The following SYNPO2 variants were observed in gnomAD, a reference collection of about 807,000 sequenced individuals.
SYNPO2 encodes the protein synaptopodin-2.
Under a neutral mutation model 85.0 loss-of-function variants are expected in SYNPO2, and 56 were observed. The observed-to-expected ratio is 0.66, with a 90% CI of 0.53 to 0.82. The LOEUF (loss-of-function observed/expected upper bound fraction) is 0.82, where lower values mean the gene tolerates loss of function less well. Among genes scored for constraint, SYNPO2 ranks in the 40% least tolerant of loss-of-function variants. SYNPO2 has a pLI of 0.00. For missense variants in SYNPO2, 1,575 were observed against 1,534.2 expected, an observed-to-expected ratio of 1.03 and a Z score of -0.44; for synonymous variants, 602 against 591.1, an observed-to-expected ratio of 1.02 and a Z score of -0.27.
Position 119,031,392 on chromosome 4 carries a change from G to C in SYNPO2, c.2617G>C (p.Ala873Pro), listed in dbSNP as rs1192626176. ...NELPGMSGRGAQLFAKRQSRM... is the reference protein window; with the variant it reads ...NELPGMSGRGPQLFAKRQSRM... ...GCTTCCAGGAATGAGTGGGAGAGGA[G>C]CTCAGCTCTTTGCTAAAAGGCAGTC... The change falls in exon 4 of 5, where the codon GCT becomes CCT. Residue 873 changes from alanine (A) to proline (P), a missense_variant. By Grantham distance (27) the Ala-to-Pro change is conservative. This residue lies in a region of SYNPO2 where 1,508 missense variants were observed against 1,446.8 expected (regional missense o/e 1.04). Transcript: ENST00000307142. 1.4e-5 allele frequency: 23 copies of C among 1,614,042 alleles called. No homozygotes were observed. Among genetic ancestry groups the C allele is most frequent in the Non-Finnish European group, 1.9e-5 (23 of 1,180,040 alleles).
intron 1 of SYNPO2, among the ~76,000 whole-genome samples, chr4:118,941,131 T>C (rs779849620): frequency 6.6e-6 from 1 of 152,186 alleles, no homozygotes. Flanking sequence ...TCCCTCCAGA[T>C]TGGATTCTCT....
At chr4:118,962,863 T>A (rs1003707556) in intron 1 of SYNPO2, among the ~76,000 whole-genome samples, 1 of 152,184 alleles carries the variant, frequency 6.6e-6, no homozygotes, top group African/African-American at 2.4e-5. Flanking sequence ...ATCTTGGCCT[T>A]GGGGAATGCA....
At chr4:119,008,648 G>T (rs1284509789) in intron 1 of SYNPO2, among the ~76,000 whole-genome samples, 1 of 152,022 alleles carries the variant, frequency 6.6e-6, no homozygotes, top group Non-Finnish European at 1.5e-5. Context: ...CTTACATTTT[G>T]TTTTACAAAC....
At chr4:119,014,132 A>T (rs1020019903) in intron 1 of SYNPO2, among the ~76,000 whole-genome samples, 9 of 152,200 alleles carry the variant, frequency 5.9e-5, no homozygotes, top group African/African-American at 1.9e-4. Context: ...GACATTAAAG[A>T]GATTTACAGA....
intron 4 of SYNPO2, among the ~76,000 whole-genome samples, chr4:119,055,458 C>T (rs140235687): frequency 8.5e-5 from 13 of 152,308 alleles, no homozygotes; most frequent in African/African-American, 2.9e-4. Context: ...CTGGCCCAAA[C>T]TGGTCTTCTG....
Position 119,060,910 on chromosome 4 carries a change from A to G in SYNPO2, c.*2976A>G, listed in dbSNP as rs1344504747. On this transcript the variant is annotated 3_prime_UTR_variant, in exon 5 of 5. Coordinates refer to ENST00000307142, the MANE Select transcript of SYNPO2 (RefSeq NM_133477.3). ...ATTTATCTCTGAATATGTCTCTTTT[A>G]TATTTTGGCACAATTATACACATTG... 1 of 152,100 alleles carries G rather than the reference A, an allele frequency of 6.6e-6. No individual in the cohort carries two copies. The highest frequency in any genetic ancestry group is 1.5e-5 in the Non-Finnish European group (1 of 68,004). The allele number at this position is 152,100 out of a possible 1,614,324, so 9.4% of individuals were successfully genotyped here. A position where few individuals can be genotyped will look rare whatever the true frequency, so the allele number is the denominator to read the frequency against.
chr4:119,033,575 G>A, intron 4 of SYNPO2: 2 of 985,442 alleles, frequency 2.0e-6, no homozygotes, highest in Non-Finnish European at 2.4e-6. Context: ...CTATGCAGGA[G>A]ATATGTTTAG....
In SYNPO2 at chr4:119,031,640, A is replaced by G; in HGVS notation, c.2865A>G (p.Gly955=). ...AQPSKMGKKK[G]KKPLNALDVM... ...CCTCCAAAATGGGCAAGAAAAAGGG[A>G]AAGAAACCCCTCAATGCATTAGATG... Residue 955 remains glycine (G), a synonymous_variant, in exon 4 of 5, where the codon GGA becomes GGG. Transcript: ENST00000307142. 1 of 1,614,112 alleles carries G rather than the reference A, an allele frequency of 6.2e-7. No individual in the cohort carries two copies. Among genetic ancestry groups the G allele is most frequent in the Non-Finnish European group, 8.5e-7 (1 of 1,180,018 alleles).
At chr4:118,878,132 G>A (rs552191686) in intron 1 of SYNPO2, among the ~76,000 whole-genome samples, 26 of 152,234 alleles carry the variant, frequency 1.7e-4, no homozygotes, top group Non-Finnish European at 3.1e-4. Flanking sequence ...GCATGTTCTC[G>A]TTTATAAGTG....
Position 119,026,783 on chromosome 4 carries a change from T to A in SYNPO2, c.414T>A (p.Thr138=). The A allele has an allele frequency of 6.2e-7, 1 of 1,611,512 alleles. No individual in the cohort carries two copies. The highest frequency in any genetic ancestry group is 8.5e-7 in the Non-Finnish European group (1 of 1,179,226). The part of the protein sequence containing the change: ...CTEFFLAPVK[T]EVPLAENQRS... Reference sequence around the variant, plus strand: ...AATTCTTCCTCGCCCCTGTCAAGACTGAAGTTCCCCTAGCTGAGAACCAAA... The same window carrying A: ...AATTCTTCCTCGCCCCTGTCAAGACAGAAGTTCCCCTAGCTGAGAACCAAA... The change falls in exon 3 of 5, where the codon ACT becomes ACA. Residue 138 remains threonine (T), a synonymous_variant. Transcript: ENST00000307142.
intron 1 of SYNPO2, among the ~76,000 whole-genome samples, chr4:118,967,383 A>T (rs1266264156): frequency 4.6e-5 from 7 of 152,212 alleles, no homozygotes; most frequent in Admixed American, 3.9e-4. Flanking sequence ...TCCAACAAAC[A>T]ACTTCTCTTT....
intron 1 of SYNPO2, among the ~76,000 whole-genome samples, chr4:118,999,458 A>G (rs774120448): frequency 6.6e-6 from 1 of 152,078 alleles, no homozygotes; most frequent in Non-Finnish European, 1.5e-5. Flanking sequence ...AGCCTGGATA[A>G]TAAGATTAAA....
rs1004537205 is a variant in SYNPO2 at position 119,060,091 on chromosome 4, A to G, written c.*2157A>G. On this transcript the variant is annotated 3_prime_UTR_variant, in exon 5 of 5. Transcript: ENST00000307142. ...ACTTGGCTTGCCAGGGCCACGTTCT[A>G]CTTCATTGCTTTCTTTTATAAGTGC... The G allele has an allele frequency of 2.0e-5, 3 of 152,170 alleles. No homozygotes were observed. Among genetic ancestry groups the G allele is most frequent in the Non-Finnish European group, 4.4e-5 (3 of 67,990 alleles). 9.4% of individuals were successfully genotyped at this position (152,170 alleles called of 1,614,324 possible).
Position 119,031,893 on chromosome 4 carries a change from G to A in SYNPO2, c.3118G>A (p.Ala1040Thr), listed in dbSNP as rs1738288953. ...CTCTCCTCCTTCCTTCTTTGCAGAGGCCTCCTCACCAGTCAGTGCATCCCC... is the reference window on the plus strand; with the variant it reads ...CTCTCCTCCTTCCTTCTTTGCAGAGACCTCCTCACCAGTCAGTGCATCCCC... ...YTSPPSFFAE[A>T]SSPVSASPVP... The change falls in exon 4 of 5, where the codon GCC (alanine) becomes ACC (threonine). Residue 1040 changes from alanine to threonine, a missense_variant. This residue lies in a region of SYNPO2 where 1,508 missense variants were observed against 1,446.8 expected (regional missense o/e 1.04). Transcript: ENST00000307142. 4 of 1,614,050 alleles carry A rather than the reference G, an allele frequency of 2.5e-6. No individual in the cohort carries two copies. The highest frequency in any genetic ancestry group is 1.1e-5 in the South Asian group (1 of 91,092).
intron 1 of SYNPO2, among the ~76,000 whole-genome samples, chr4:118,976,402 G>C (rs1735739151): frequency 6.6e-6 from 1 of 152,322 alleles, no homozygotes; most frequent in East Asian, 1.9e-4. Context: ...GACCCAAAGA[G>C]TGAGCAGTAG....
At chr4:118,935,484 T>G (rs2149135060) in intron 1 of SYNPO2, among the ~76,000 whole-genome samples, 1 of 152,378 alleles carries the variant, frequency 6.6e-6, no homozygotes, top group South Asian at 2.1e-4. Context: ...AATAATACAG[T>G]TATGTGCTAC....
At chr4:119,036,229 G>A in intron 4 of SYNPO2, 1 of 985,432 alleles carries the variant, frequency 1.0e-6, no homozygotes, top group Non-Finnish European at 1.2e-6. Context: ...TGCTTAAAAT[G>A]CTTCTAGAGG....
At chr4:118,944,090 T>A (rs1734416048) in intron 1 of SYNPO2, among the ~76,000 whole-genome samples, 1 of 152,176 alleles carries the variant, frequency 6.6e-6, no homozygotes, top group Admixed American at 6.5e-5. Context: ...ATTCCTAGAT[T>A]AGGCAAGAAT....
intron 1 of SYNPO2, among the ~76,000 whole-genome samples, chr4:118,897,099 T>C (rs752341349): frequency 6.6e-6 from 1 of 152,136 alleles, no homozygotes; most frequent in Non-Finnish European, 1.5e-5. Flanking sequence ...ACTCACAGTT[T>C]CACATGGCTG....
Sources: gnomAD v4.1 joint callset for allele counts (sites outside exome capture counted in the v4.1 genomes callset) on GRCh38, gnomAD v4.1.1 for gene constraint, gnomAD v4.1.1 regional missense constraint, MANE v1.5 for transcripts, NCBI Gene and HGNC (gene_info 2026-07-23, HGNC 2026-07-21) for gene names.